The following PANK1 variants were observed in gnomAD, a reference collection of about 807,000 sequenced individuals.
PANK1 encodes pantothenate kinase 1.
PANK1 carries 18 observed loss-of-function variants against 40.1 expected under a neutral mutation model. That is an observed-to-expected ratio of 0.45 (90% CI 0.31 to 0.67). PANK1 has a LOEUF of 0.67. PANK1 is among the 30% of genes least tolerant of loss of function. PANK1 has a pLI of 0.06. For missense variants in PANK1, 457 were observed against 599.6 expected, an observed-to-expected ratio of 0.76 and a Z score of 2.48; for synonymous variants, 242 against 237.7, an observed-to-expected ratio of 1.02 and a Z score of -0.17.
At position 89,593,917 on chromosome 10, in the gene PANK1, T is replaced by TC; in HGVS notation, c.971_972insG (p.Met325AsnfsTer4). The TC allele has an allele frequency of 6.2e-7, 1 of 1,613,808 alleles. No homozygotes were observed. Among genetic ancestry groups the TC allele is most frequent in the Non-Finnish European group, 8.5e-7 (1 of 1,179,692 alleles). On this transcript the variant is annotated frameshift_variant, in exon 4 of 7. Coordinates refer to ENST00000307534, the MANE Select transcript of PANK1 (RefSeq NM_148977.3). LOFTEE classifies it high-confidence loss of function. The stretch of plus-strand genomic sequence containing the variant: ...TGGTGCTGTCGCCTTTAGCTGCCAT[T>TC]TCCAGAGCTTCTTCAAAGGTCTCAC...
intron 1 of PANK1, chr10:89,644,002 T>C: frequency 2.0e-6 from 1 of 502,030 alleles, no homozygotes; most frequent in Non-Finnish European, 3.2e-6. Context: ...GCCCACATGG[T>C]ATCAGTGGGT....
At chr10:89,634,117 T>C (rs1481179507) in intron 1 of PANK1, among the ~76,000 whole-genome samples, 1 of 152,174 alleles carries the variant, frequency 6.6e-6, no homozygotes, top group African/African-American at 2.4e-5. Flanking sequence ...TTTGAGTTAG[T>C]ATAAGGAAGA....
Position 89,645,088 on chromosome 10 carries a change from C to A in PANK1, c.-197G>T. 3 of 1,498,664 alleles carry A rather than the reference C, an allele frequency of 2.0e-6. No individual in the cohort carries two copies. Among genetic ancestry groups the A allele is most frequent in the Non-Finnish European group, 8.8e-7 (1 of 1,132,556 alleles). The allele number at this position is 1,498,664 out of a possible 1,614,324, so 92.8% of individuals were successfully genotyped here. A position where few individuals can be genotyped will look rare whatever the true frequency, so the allele number is the denominator to read the frequency against. Reference sequence around the variant, plus strand: ...CCCCACCTCCTCTGCGCCCTGCCCCCCGCGCGCCGGCCCCACGGCGCCGGC... The same window carrying A: ...CCCCACCTCCTCTGCGCCCTGCCCCACGCGCGCCGGCCCCACGGCGCCGGC... On this transcript the variant is annotated 5_prime_UTR_variant, in exon 1 of 7. Transcript: ENST00000307534.
In PANK1 at chr10:89,595,847, T is replaced by A. The variant is rs1344793649; in HGVS notation, c.900-1858A>T. Among the ~76,000 whole-genome samples, 241 of 95,916 alleles carry A rather than the reference T, an allele frequency of 2.5e-3. 6 individuals carry two copies. The highest frequency in any genetic ancestry group is 9.3e-3 in the Middle Eastern group (2 of 216). The allele number at this position is 95,916 out of a possible 152,430, so 62.9% of individuals were successfully genotyped here. The stretch of plus-strand genomic sequence containing the variant: ...AAAAAAAAAAAAATATATATATATA[T>A]ATATATATATATATATATATATATA... On this transcript the variant is annotated intron_variant, in intron 3 of 6. Transcript: ENST00000307534.
chr10:89,603,202 C>T (rs564126433), intron 2 of PANK1, among the ~76,000 whole-genome samples: 4 of 152,256 alleles, frequency 2.6e-5, no homozygotes, highest in South Asian at 2.1e-4. Flanking sequence ...TAATTTCCAT[C>T]GTATAATCAC....
downstream of PANK1, chr10:89,580,723 A>C (rs1844036431): frequency 6.6e-6 from 1 of 152,208 alleles, no homozygotes; most frequent in Non-Finnish European, 1.5e-5. Flanking sequence ...GACCTGGCTC[A>C]AGTTTACTCC....
intron 6 of PANK1, among the ~76,000 whole-genome samples, chr10:89,588,292 C>A (rs1438384091): frequency 1.3e-5 from 2 of 152,082 alleles, no homozygotes; most frequent in African/African-American, 4.8e-5. Context: ...GTGCAGGCAT[C>A]TCTTCGACAT....
At chr10:89,644,161 A>C (rs1842043437) in intron 1 of PANK1, among the ~76,000 whole-genome samples, 1 of 152,208 alleles carries the variant, frequency 6.6e-6, no homozygotes, top group Non-Finnish European at 1.5e-5. Context: ...TTCAAAGGGC[A>C]GGCAACCCCA....
At chr10:89,621,690 T>C (rs1845490994) in intron 1 of PANK1, among the ~76,000 whole-genome samples, 2 of 152,210 alleles carry the variant, frequency 1.3e-5, no homozygotes, top group Admixed American at 1.3e-4. Flanking sequence ...TGGGCAAGTT[T>C]CTTACTTGAG....
intron 1 of PANK1, among the ~76,000 whole-genome samples, chr10:89,620,411 C>G (rs2133978266): frequency 6.6e-6 from 1 of 152,314 alleles, no homozygotes. Flanking sequence ...AATGGCCGCT[C>G]TGGGAGTGTC....
chr10:89,579,794 T>A (rs1844020549), downstream of PANK1: 4 of 152,232 alleles, frequency 2.6e-5, no homozygotes, highest in South Asian at 8.3e-4. Flanking sequence ...TTTATTGGTT[T>A]ATATGCTTCA....
At chr10:89,597,382 A>T (rs1844642102) in intron 3 of PANK1, among the ~76,000 whole-genome samples, 1 of 152,200 alleles carries the variant, frequency 6.6e-6, no homozygotes, top group South Asian at 2.1e-4. Context: ...TAGCCCCTGA[A>T]AGGGTTCTCT....
intron 2 of PANK1, among the ~76,000 whole-genome samples, chr10:89,600,236 G>T (rs1470558362): frequency 6.6e-6 from 1 of 152,186 alleles, no homozygotes; most frequent in Non-Finnish European, 1.5e-5. Context: ...GCTTACACAG[G>T]GTGAGCAGAC....
At chr10:89,608,143 T>C (rs1398954257) in intron 2 of PANK1, among the ~76,000 whole-genome samples, 1 of 151,816 alleles carries the variant, frequency 6.6e-6, no homozygotes, top group African/African-American at 2.4e-5. Flanking sequence ...GCCATTCTCC[T>C]GCCTCAGCCT....
intron 3 of PANK1, among the ~76,000 whole-genome samples, chr10:89,596,284 G>A (rs556468893): frequency 7.9e-5 from 12 of 152,124 alleles, no homozygotes; most frequent in African/African-American, 2.9e-4. Flanking sequence ...TCTTTCTTTG[G>A]ACATTAAGGA....
chr10:89,603,844 C>G (rs1373573857), intron 2 of PANK1, among the ~76,000 whole-genome samples: 2 of 152,132 alleles, frequency 1.3e-5, no homozygotes, highest in African/African-American at 4.8e-5. Context: ...GTCAAAGTCT[C>G]AAGCAAGAAT....
intron 1 of PANK1, 76 bp from the exon 2 acceptor site, chr10:89,612,124 G>T: frequency 1.7e-6 from 2 of 1,158,420 alleles, no homozygotes; most frequent in Non-Finnish European, 2.5e-6. Flanking sequence ...TATTAAATAA[G>T]CAAAAGCAGT....
chr10:89,604,860 C>T (rs1368446915), intron 2 of PANK1, among the ~76,000 whole-genome samples: 1 of 151,864 alleles, frequency 6.6e-6, no homozygotes, highest in Non-Finnish European at 1.5e-5. Flanking sequence ...ATGCCATTCT[C>T]CTGCTTCAGC....
rs991273592 is a variant in PANK1 at position 89,639,647 on chromosome 10, C to G, written c.292+4953G>C. On this transcript the variant is annotated intron_variant, in intron 1 of 6. Coordinates refer to ENST00000307534, the MANE Select transcript of PANK1 (RefSeq NM_148977.3). ...ATCCAGGCCTGGTGGCAACAAAGCT[C>G]TTTACACCACAGAACCCTACCCACA... Among the ~76,000 whole-genome samples, 151 of 152,316 alleles carry G rather than the reference C, an allele frequency of 9.9e-4. 1 individual carries two copies. Among genetic ancestry groups the G allele is most frequent in the Non-Finnish European group, 1.9e-4 (13 of 68,026 alleles).
Sources: gnomAD v4.1 joint callset for allele counts (sites outside exome capture counted in the v4.1 genomes callset) on GRCh38, gnomAD v4.1.1 for gene constraint, MANE v1.5 for transcripts, NCBI Gene and HGNC (gene_info 2026-07-23, HGNC 2026-07-21) for gene names.